Variants in HS3ST5 observed in about 807,000 individuals in gnomAD.
HS3ST5 encodes heparan sulfate glucosamine 3-O-sulfotransferase 5.
HS3ST5 carries 10 observed loss-of-function variants against 25.4 expected under a neutral mutation model. The observed-to-expected ratio is 0.39, with a 90% CI of 0.24 to 0.67. The LOEUF (loss-of-function observed/expected upper bound fraction) is 0.67. HS3ST5 is among the 30% of genes least tolerant of loss of function. The probability of loss-of-function intolerance (pLI) is 0.44; values close to 1 mark genes in which losing one functional copy is unlikely to be tolerated. For synonymous variants in HS3ST5, 170 were observed against 162.4 expected, an observed-to-expected ratio of 1.05 and a Z score of -0.36; for missense variants, 324 against 420.7, an observed-to-expected ratio of 0.77 and a Z score of 2.01.
chr6:114,229,157 G>C (rs1771454173), intron 1 of HS3ST5, among the ~76,000 whole-genome samples: 1 of 152,086 alleles, frequency 6.6e-6, no homozygotes, highest in Admixed American at 6.5e-5. Context: ...AAGATAAAAT[G>C]GGATACTTTA....
chr6:114,213,072 C>T (rs193002472), intron 2 of HS3ST5, among the ~76,000 whole-genome samples: 31 of 151,958 alleles, frequency 2.0e-4, no homozygotes, highest in Non-Finnish European at 4.1e-4. Flanking sequence ...ATTTTATTGC[C>T]GATGAAAGTG....
intron 2 of HS3ST5, among the ~76,000 whole-genome samples, chr6:114,195,921 G>A (rs1277033323): frequency 6.6e-6 from 1 of 152,140 alleles, no homozygotes; most frequent in Non-Finnish European, 1.5e-5. Flanking sequence ...TGCACAGTAA[G>A]GGGAGCAAAG....
intron 1 of HS3ST5, among the ~76,000 whole-genome samples, chr6:114,229,660 C>T (rs1334624477): frequency 1.3e-5 from 2 of 152,184 alleles, no homozygotes; most frequent in African/African-American, 4.8e-5. Context: ...CCCACTTTGG[C>T]TCCCCATTTG....
At chr6:114,252,890 T>C (rs559290998) in intron 1 of HS3ST5, among the ~76,000 whole-genome samples, 60 of 152,312 alleles carry the variant, frequency 3.9e-4, no homozygotes, top group African/African-American at 1.4e-3. Context: ...ACCACATTTT[T>C]TTTTTTAAGT....
intron 3 of HS3ST5, chr6:114,084,833 C>CT (rs372362974): frequency 0.12 from 56,144 of 483,328 alleles, 181 homozygotes; most frequent in East Asian, 0.13. Flanking sequence ...CTTTTCTTTT[C>CT]TTTTTTTTTT....
intron 1 of HS3ST5, among the ~76,000 whole-genome samples, chr6:114,262,039 C>T (rs1773196677): frequency 1.3e-5 from 2 of 152,130 alleles, no homozygotes; most frequent in African/African-American, 4.8e-5. Flanking sequence ...AAGTGAGGTT[C>T]GTGCATCATT....
At chr6:114,189,871 C>G (rs1381842255) in intron 2 of HS3ST5, among the ~76,000 whole-genome samples, 1 of 152,180 alleles carries the variant, frequency 6.6e-6, no homozygotes, top group Non-Finnish European at 1.5e-5. Flanking sequence ...GTCAATTGTG[C>G]TCTCATTCCA....
chr6:114,199,204 T>C (rs2492889), intron 2 of HS3ST5, among the ~76,000 whole-genome samples: 152,106 of 152,336 alleles, frequency 1, 75,939 homozygotes, highest in Non-Finnish European at 1. Flanking sequence ...GCATACCATG[T>C]ACCAAAATAA....
chr6:114,144,810 A>T (rs991461686), intron 3 of HS3ST5, among the ~76,000 whole-genome samples: 4 of 152,246 alleles, frequency 2.6e-5, no homozygotes, highest in Non-Finnish European at 4.4e-5. Flanking sequence ...ACTTCAAAGT[A>T]CAGTTGTTAG....
At chr6:114,269,612 T>C (rs988889001) in intron 1 of HS3ST5, among the ~76,000 whole-genome samples, 16 of 152,162 alleles carry the variant, frequency 1.1e-4, no homozygotes, top group African/African-American at 3.9e-4. Context: ...CATACTCAAT[T>C]TTCTCTGGTG....
At chr6:114,143,300 CAT>C (rs1345418401) in intron 3 of HS3ST5, among the ~76,000 whole-genome samples, 1 of 152,156 alleles carries the variant, frequency 6.6e-6, no homozygotes, top group Non-Finnish European at 1.5e-5. Context: ...ATGCCTGGCA[CAT>C]AATAAGTACT....
intron 2 of HS3ST5, among the ~76,000 whole-genome samples, chr6:114,202,118 GTT>G (rs1425500068): frequency 6.6e-6 from 1 of 151,846 alleles, no homozygotes; most frequent in East Asian, 1.9e-4. Context: ...CTACAAAAAA[GTT>G]TAAAAAAAAA....
At chr6:114,282,442 T>C (rs1774155337) in intron 1 of HS3ST5, among the ~76,000 whole-genome samples, 1 of 151,932 alleles carries the variant, frequency 6.6e-6, no homozygotes, top group African/African-American at 2.4e-5. Flanking sequence ...TCTCAAACAA[T>C]GCTACCCCAC....
intron 2 of HS3ST5, among the ~76,000 whole-genome samples, chr6:114,201,056 G>A (rs1780988905): frequency 6.6e-6 from 1 of 152,322 alleles, no homozygotes; most frequent in South Asian, 2.1e-4. Context: ...CAGTCTATAA[G>A]CTGATAACAA....
At position 114,340,272 on chromosome 6, in the gene HS3ST5, T is replaced by C. The variant is rs555747171; in HGVS notation, c.-339+1923A>G. Among the ~76,000 whole-genome samples the C allele has an allele frequency of 2.0e-5, 3 of 152,370 alleles. No individual in the cohort carries two copies. The East Asian group carries it at 5.8e-4, about 29-fold the overall frequency. On this transcript the variant is annotated intron_variant, in intron 1 of 4. Coordinates refer to ENST00000312719, the MANE Select transcript of HS3ST5 (RefSeq NM_153612.4). ...TCCCAGTACTTGCTGTAATACTCCA[T>C]TGAATATTGTGCTCATAATTTCCCA...
intron 1 of HS3ST5, among the ~76,000 whole-genome samples, chr6:114,307,882 C>A (rs956485709): frequency 1.3e-5 from 2 of 151,820 alleles, no homozygotes. Flanking sequence ...TTTGATTAGT[C>A]TGTATATATA....
intron 1 of HS3ST5, among the ~76,000 whole-genome samples, chr6:114,268,075 CCT>C (rs1773485319): frequency 6.6e-6 from 1 of 152,168 alleles, no homozygotes; most frequent in African/African-American, 2.4e-5. Flanking sequence ...ACTTCCTCAA[CCT>C]ATGATTGGGC....
chr6:114,116,321 A>C (rs141352541), intron 3 of HS3ST5: 12 of 152,284 alleles, frequency 7.9e-5, no homozygotes, highest in Non-Finnish European at 1.6e-4. Flanking sequence ...AATGCCAAAG[A>C]GATGGGAAGG....
intron 2 of HS3ST5, among the ~76,000 whole-genome samples, chr6:114,215,476 C>A (rs1394632829): frequency 6.6e-6 from 1 of 152,074 alleles, no homozygotes; most frequent in Non-Finnish European, 1.5e-5. Context: ...ACTCACCTAC[C>A]CTTTTATATC....
Sources: gnomAD v4.1 joint callset for allele counts (sites outside exome capture counted in the v4.1 genomes callset) on GRCh38, gnomAD v4.1.1 for gene constraint, MANE v1.5 for transcripts, NCBI Gene and HGNC (gene_info 2026-07-23, HGNC 2026-07-21) for gene names.